Variants in CYFIP1 observed in about 807,000 individuals in gnomAD.
The protein encoded by CYFIP1 is cytoplasmic FMR1 interacting protein 1, also known as cytoplasmic FMR1-interacting protein 1.
A neutral mutation model predicts 163.5 loss-of-function variants in CYFIP1; 58 were observed. That is an observed-to-expected ratio of 0.35 (90% CI 0.29 to 0.44). The LOEUF is 0.44. CYFIP1 is among the 20% of genes least tolerant of loss of function. The pLI is 1.00. For missense variants in CYFIP1, 1,338 were observed against 1,653.8 expected (o/e 0.81, Z 3.31); for synonymous variants, 663 against 660.7 (o/e 1.00, Z -0.05).
intron 1 of CYFIP1, among the ~76,000 whole-genome samples, chr15:22,971,938 T>TGCAATCTACAGATTCAAA (rs1255125802): frequency 0.098 from 14,802 of 151,610 alleles, 897 homozygotes; most frequent in East Asian, 0.17. Context: ...ACAGGTTCAA[T>TGCAATCTACAGATTCAAA]GCAATCTACA....
chr15:22,913,526 T>A (rs1595583330), intron 17 of CYFIP1, among the ~76,000 whole-genome samples: 5 of 9,546 alleles, frequency 5.2e-4, no homozygotes, highest in African/African-American at 8.8e-4. Flanking sequence ...AGGCTCTGTC[T>A]CAAAAAAAAA....
rs140738108 is a variant in CYFIP1 at position 22,950,894 on chromosome 15, AAGAG to A, written c.-6-3607_-6-3604del. Among the ~76,000 whole-genome samples the A allele has an allele frequency of 3.8e-3, 580 of 151,446 alleles. 4 individuals are homozygous for A. The highest frequency in any genetic ancestry group is 0.031 in the Middle Eastern group (9 of 292). ...CATCTCACGGCGGGCACCAAAGGGC[AAGAG>A]AGAGAGAGAGAGACCACGTTCACAT... On this transcript the variant is annotated intron_variant, in intron 1 of 30. Transcript: ENST00000617928.
chr15:22,903,571 C>T (rs762487066), intron 22 of CYFIP1, 135 bp downstream of exon 22: 74 of 912,046 alleles, frequency 8.1e-5, no homozygotes, highest in South Asian at 3.7e-4. Flanking sequence ...GGAGGGCCTG[C>T]GTGCTCTTCA....
At position 22,978,886 on chromosome 15, in the gene CYFIP1, G is replaced by A. The variant is rs374787190; in HGVS notation, c.-7+1401C>T. Among the ~76,000 whole-genome samples the A allele has an allele frequency of 3.9e-5, 6 of 152,266 alleles. No homozygotes were observed. In the East Asian group the frequency reaches 9.7e-4, roughly 24 times the overall value. On this transcript the variant is annotated intron_variant, in intron 1 of 30. Coordinates refer to ENST00000617928, the MANE Select transcript of CYFIP1 (RefSeq NM_014608.6). ...GACAGGCGGCTGCAAGAGCGGGGAG[G>A]AGAGAGGCTGCCTTCCTGAGTATCC...
chr15:22,947,313 C>T, intron 1 of CYFIP1, 22 bp from the exon 2 acceptor site: 1 of 1,607,394 alleles, frequency 6.2e-7, no homozygotes. Context: ...CATAAGGACC[C>T]CTGTTCTGTG....
intron 1 of CYFIP1, among the ~76,000 whole-genome samples, chr15:22,955,608 C>T (rs1308026282): frequency 1.3e-5 from 2 of 152,124 alleles, no homozygotes; most frequent in Non-Finnish European, 2.9e-5. Context: ...GACAGCAGGC[C>T]AAGGGGCAAA....
chr15:22,964,345 C>T lies in CYFIP1; in HGVS notation c.-7+15942G>A, dbSNP rs867435751. 2.9e-3 allele frequency among the ~76,000 whole-genome samples: 256 copies of T among 88,514 alleles called. 9 individuals carry two copies. Among genetic ancestry groups the T allele is most frequent in the African/African-American group, 0.012 (244 of 20,574 alleles). 58.1% of individuals were successfully genotyped at this position (88,514 alleles called of 152,430 possible). Reference sequence around the variant, plus strand: ...CGGCCCCACCAGCAGACTCCGCAACCTCATCACTCACACACACACACACAC... The same window carrying T: ...CGGCCCCACCAGCAGACTCCGCAACTTCATCACTCACACACACACACACAC... On this transcript the variant is annotated intron_variant, in intron 1 of 30. Transcript: ENST00000617928.
At chr15:22,898,645 C>T (rs2141987407) in intron 22 of CYFIP1, among the ~76,000 whole-genome samples, 1 of 152,150 alleles carries the variant, frequency 6.6e-6, no homozygotes, top group African/African-American at 2.4e-5. Flanking sequence ...AAGTGATCCT[C>T]CCATGTCAGC....
intron 1 of CYFIP1, among the ~76,000 whole-genome samples, chr15:22,954,623 T>C (rs1468055607): frequency 1.3e-5 from 2 of 152,188 alleles, no homozygotes; most frequent in Non-Finnish European, 2.9e-5. Flanking sequence ...CCTCGGTTTA[T>C]GTCATTGAAC....
intron 1 of CYFIP1, among the ~76,000 whole-genome samples, chr15:22,957,786 C>G (rs539583509): frequency 6.6e-6 from 1 of 152,198 alleles, no homozygotes; most frequent in Non-Finnish European, 1.5e-5. Context: ...GATGGCACTT[C>G]CCAGAAAAGT....
At chr15:22,930,251 G>A (rs28380246) in intron 11 of CYFIP1, among the ~76,000 whole-genome samples, 50,895 of 151,058 alleles carry the variant, frequency 0.34, 9,191 homozygotes, top group East Asian at 0.48. Flanking sequence ...AAAATTAGCC[G>A]GGCGTAGTGG....
chr15:22,933,970 A>C, intron 9 of CYFIP1, 77 bp from the exon 10 acceptor site: 2 of 981,668 alleles, frequency 2.0e-6, no homozygotes, highest in Non-Finnish European at 3.1e-6. Flanking sequence ...GAAACTGACT[A>C]ATGCTAATAA....
At chr15:22,919,385 T>C (rs1203524738) in intron 13 of CYFIP1, among the ~76,000 whole-genome samples, 4 of 152,226 alleles carry the variant, frequency 2.6e-5, no homozygotes, top group Admixed American at 2.0e-4. Context: ...CAGACAGTAA[T>C]TTTGTCATGA....
chr15:22,943,666 T>C (rs1315530324), intron 5 of CYFIP1, among the ~76,000 whole-genome samples: 6 of 152,234 alleles, frequency 3.9e-5, no homozygotes, highest in African/African-American at 1.4e-4. Flanking sequence ...ATTCAGATGT[T>C]CTAACTTTCA....
intron 17 of CYFIP1, among the ~76,000 whole-genome samples, chr15:22,913,527 C>CAAAAAAAAAAAAAAAA (rs35228444): frequency 1.9e-4 from 2 of 10,284 alleles, no homozygotes; most frequent in Non-Finnish European, 3.4e-4. Context: ...GGCTCTGTCT[C>CAAAAAAAAAAAAAAAA]AAAAAAAAAA....
At chr15:22,976,410 CCTCCCAAAGTGCT>C (rs2063282358) in intron 1 of CYFIP1, among the ~76,000 whole-genome samples, 1 of 152,172 alleles carries the variant, frequency 6.6e-6, no homozygotes, top group Non-Finnish European at 1.5e-5. Context: ...CCCGCCTCGG[CCTCCCAAAGTGCT>C]GGGATTACAG....
At chr15:22,939,378 C>T (rs769549887) in intron 7 of CYFIP1, 33 bp downstream of exon 7, 1 of 1,613,858 alleles carries the variant, frequency 6.2e-7, no homozygotes, top group Admixed American at 1.7e-5. Flanking sequence ...GCTGCTTGGC[C>T]CATCAACCTG....
chr15:22,909,073 T>TTATC, intron 21 of CYFIP1, 121 bp downstream of exon 21: 2 of 1,267,892 alleles, frequency 1.6e-6, no homozygotes. Flanking sequence ...ATCTCTTTTA[T>TTATC]TATCTATACA....
intron 1 of CYFIP1, among the ~76,000 whole-genome samples, chr15:22,949,516 G>T (rs1235011166): frequency 1.3e-5 from 2 of 152,212 alleles, no homozygotes; most frequent in Non-Finnish European, 1.5e-5. Context: ...AGGCTAAGCG[G>T]CGAGGGCGCA....
Sources: gnomAD v4.1 joint callset for allele counts (sites outside exome capture counted in the v4.1 genomes callset) on GRCh38, gnomAD v4.1.1 for gene constraint, MANE v1.5 for transcripts, NCBI Gene and HGNC (gene_info 2026-07-23, HGNC 2026-07-21) for gene names.